The following NBPF26 variants were observed in gnomAD, a reference collection of about 807,000 sequenced individuals.
NBPF26 encodes the protein NBPF member 26.
A neutral mutation model predicts 119.6 loss-of-function variants in NBPF26; 79 were observed. The ratio of observed to expected loss-of-function variants is 0.66; its 90% CI spans 0.55 to 0.80. The LOEUF is 0.80. NBPF26 is among the 30% of genes least tolerant of loss of function. NBPF26 has a pLI of 0.00. For missense variants in NBPF26, 800 were observed against 1,198.2 expected (o/e 0.67, Z 4.91); for synonymous variants, 299 against 457.7 (o/e 0.65, Z 4.43).
chr1:120,724,303 G>A, intron 1 of NBPF26, 53 bp downstream of exon 1: 1 of 1,366,118 alleles, frequency 7.3e-7, no homozygotes, highest in South Asian at 1.3e-5. Flanking sequence ...TGCCACCTGG[G>A]GCGACCCTTC....
intron 1 of NBPF26, among the ~76,000 whole-genome samples, chr1:120,737,864 G>A (rs1471589045): frequency 9.5e-6 from 1 of 105,544 alleles, no homozygotes; most frequent in East Asian, 2.2e-4. Context: ...TGGTTGTCAG[G>A]TTTTTATTTT....
In NBPF26 at chr1:120,755,930, T is replaced by C. The variant is rs1339948862; in HGVS notation, c.74-7698T>C. ...GAAAACAAAATCGATTTATCTCTTA[T>C]TGCTTTTTTTTTTTTTTTTTTTTTT... On this transcript the variant is annotated intron_variant, in intron 1 of 29. Transcript: ENST00000620612. Among the ~76,000 whole-genome samples, 170 of 96,648 alleles carry C rather than the reference T, an allele frequency of 1.8e-3. 28 individuals carry two copies. Among genetic ancestry groups the C allele is most frequent in the South Asian group, 0.014 (49 of 3,398 alleles). 63.4% of individuals were successfully genotyped at this position (96,648 alleles called of 152,430 possible).
intron 1 of NBPF26, among the ~76,000 whole-genome samples, chr1:120,734,312 A>C (rs1447701473): frequency 3.3e-5 from 1 of 30,026 alleles, no homozygotes; most frequent in Non-Finnish European, 5.5e-5. Context: ...GCTGTCTGCC[A>C]GCTATTACCA....
At chr1:120,802,161 C>T (rs1166407328) in intron 4 of NBPF26, among the ~76,000 whole-genome samples, 2 of 117,052 alleles carry the variant, frequency 1.7e-5, no homozygotes, top group Non-Finnish European at 3.4e-5. Context: ...ACTATAAGGT[C>T]GATGGTATCA....
Position 120,764,098 on chromosome 1 carries a change from T to A in NBPF26, c.155+389T>A, listed in dbSNP as rs1651162913. On this transcript the variant is annotated intron_variant, in intron 2 of 29. Transcript: ENST00000620612. ...CCTATCTCTACTAAAAATACAAAAA[T>A]TAGCCAGGTGTGGTGGCGCATGACT... 1.8e-5 allele frequency among the ~76,000 whole-genome samples: 2 copies of A among 108,386 alleles called. 1 individual carries two copies. Among genetic ancestry groups the A allele is most frequent in the Non-Finnish European group, 3.5e-5 (2 of 57,046 alleles). The allele number at this position is 108,386 out of a possible 152,430, so 71.1% of individuals were successfully genotyped here.
intron 23 of NBPF26, among the ~76,000 whole-genome samples, 195 bp from the exon 28 acceptor site, chr1:120,833,408 T>C (rs1405754595): frequency 3.2e-5 from 3 of 93,090 alleles, no homozygotes; most frequent in African/African-American, 3.1e-4. Context: ...TCTCTCTCTC[T>C]CTCTGTCTTT....
In NBPF26 at chr1:120,785,134, C is replaced by A. The variant is rs1467393795; in HGVS notation, c.316C>A (p.Pro106Thr). The change falls in exon 3 of 30, where the codon CCT becomes ACT. Residue 106 changes from proline (P) to threonine (T), a missense_variant. Physicochemically the swap from Pro to Thr is conservative, Grantham distance 38. This residue lies in a region of NBPF26 where 209 missense variants were observed against 285.2 expected (regional missense o/e 0.73). Coordinates refer to ENST00000620612, the Ensembl canonical transcript of NBPF26. ...AGGAGAGGACTGCCAGTACTCGACA[C>A]CTCATCCATGCTTTGTGTCTCGACC... 3 of 1,446,436 alleles carry A rather than the reference C, an allele frequency of 2.1e-6. 1 individual carries two copies. In the African/African-American group the frequency reaches 7.8e-5, roughly 38 times the overall value. The allele number at this position is 1,446,436 out of a possible 1,614,324, so 89.6% of individuals were successfully genotyped here.
chr1:120,810,270 A>G (rs1378729963), intron 8 of NBPF26, 77 bp from the exon 9 acceptor site: 1 of 1,455,534 alleles, frequency 6.9e-7, no homozygotes, highest in Middle Eastern at 2.4e-4. Context: ...CCGCCTGTCA[A>G]AACCAGCTAG....
intron 5 of NBPF26, among the ~76,000 whole-genome samples, chr1:120,806,653 G>A (rs1651692940): frequency 8.2e-6 from 1 of 122,232 alleles, no homozygotes; most frequent in East Asian, 2.0e-4. Context: ...AGAGTACCTT[G>A]GTGAGAGTGA....
At chr1:120,840,149 C>CTG (rs1174230214) in intron 29 of NBPF26, among the ~76,000 whole-genome samples, 1 of 74,048 alleles carries the variant, frequency 1.4e-5, no homozygotes, top group Non-Finnish European at 2.4e-5. Flanking sequence ...CTCTGTCTCT[C>CTG]TCTCTGTCTT....
Position 120,816,847 on chromosome 1 carries a change from T to G in NBPF26, c.2371+20T>G. On this transcript the variant is annotated intron_variant, in intron 14 of 29. Transcript: ENST00000620612. ...TTCCAGGTAGCCTCTGTTTTCCTTG[T>G]GTCTCATACCTCTTTCTTGGCTGAG... The G allele has an allele frequency of 6.9e-7, 1 of 1,450,038 alleles. No homozygotes were observed. Among genetic ancestry groups the G allele is most frequent in the Non-Finnish European group, 9.2e-7 (1 of 1,082,916 alleles). The allele number at this position is 1,450,038 out of a possible 1,614,324, so 89.8% of individuals were successfully genotyped here.
intron 1 of NBPF26, among the ~76,000 whole-genome samples, chr1:120,737,659 C>A (rs1188231866): frequency 8.7e-6 from 1 of 114,314 alleles, no homozygotes; most frequent in Non-Finnish European, 1.7e-5. Context: ...AAATAATTTG[C>A]CTGTGAACCT....
At chr1:120,805,483 C>G (rs1265007480) in intron 4 of NBPF26, 73 bp from the exon 5 acceptor site, 1 of 1,341,232 alleles carries the variant, frequency 7.5e-7, no homozygotes, top group African/African-American at 2.1e-5. Context: ...TACTGACATC[C>G]CTCAGTCCTG....
chr1:120,814,912 G>C lies in NBPF26; in HGVS notation c.1961G>C (p.Arg654Pro). The change falls in exon 12 of 30, where the codon CGC (arginine) becomes CCC (proline). Residue 654 changes from arginine (R) to proline (P), a missense_variant. Coordinates refer to ENST00000620612, the Ensembl canonical transcript of NBPF26. ...TTGCGGGAAGGGAGAGATGCCTCCC[G>C]CTCATTGAATGAGCATCTCCAGGCC... 5 of 1,214,044 alleles carry C rather than the reference G, an allele frequency of 4.1e-6. No individual in the cohort carries two copies. The East Asian group carries it at 1.1e-4, about 28-fold the overall frequency. The allele number at this position is 1,214,044 out of a possible 1,614,324, so 75.2% of individuals were successfully genotyped here. A position where few individuals can be genotyped will look rare whatever the true frequency, so the allele number is the denominator to read the frequency against.
exon 18 of NBPF26, chr1:120,824,037 T>G: frequency 1.8e-6 from 1 of 568,904 alleles, no homozygotes; most frequent in Non-Finnish European, 3.0e-6. Context: ...TGGATAGATG[T>G]TATTCAACTC....
At chr1:120,778,398 A>G (rs1230034347) in intron 2 of NBPF26, among the ~76,000 whole-genome samples, 1 of 109,904 alleles carries the variant, frequency 9.1e-6, no homozygotes, top group Non-Finnish European at 1.7e-5. Flanking sequence ...GAGGGAGTAA[A>G]GAGGAGCTTT....
intron 2 of NBPF26, among the ~76,000 whole-genome samples, chr1:120,768,031 C>T (rs1248095991): frequency 9.2e-6 from 1 of 108,848 alleles, no homozygotes; most frequent in Non-Finnish European, 1.7e-5. Flanking sequence ...ACTTACTGGA[C>T]ATTGTGGGTG....
At chr1:120,784,116 A>G (rs1288128710) in intron 2 of NBPF26, among the ~76,000 whole-genome samples, 1 of 118,296 alleles carries the variant, frequency 8.5e-6, no homozygotes, top group Admixed American at 8.0e-5. Flanking sequence ...GGACCTCATG[A>G]AAGTGTGGGT....
At chr1:120,833,243 T>C (rs1301807184) in intron 23 of NBPF26, among the ~76,000 whole-genome samples, 1 of 112,766 alleles carries the variant, frequency 8.9e-6, no homozygotes, top group African/African-American at 5.2e-5. Flanking sequence ...GCATATTTTA[T>C]GGAAAACTAT....
Sources: allele counts gnomAD v4.1 joint callset (sites outside exome capture counted in the v4.1 genomes callset), GRCh38; gene constraint gnomAD v4.1.1; regional missense constraint gnomAD v4.1.1; transcripts MANE v1.5; gene names NCBI Gene and HGNC (gene_info 2026-07-23, HGNC 2026-07-21).